The following GDAP1 variants were observed in gnomAD, a reference collection of about 807,000 sequenced individuals.
GDAP1 encodes the protein ganglioside induced differentiation associated protein 1.
Under a neutral mutation model 40.1 loss-of-function variants are expected in GDAP1, and 34 were observed. That is an observed-to-expected ratio of 0.85 (90% CI 0.64 to 1.13). The LOEUF is 1.13. Ranked by LOEUF, GDAP1 falls within the 50% of genes most tolerant of loss-of-function variation. GDAP1 has a pLI of 0.00. For synonymous variants in GDAP1, 170 were observed against 157.4 expected, an observed-to-expected ratio of 1.08 and a Z score of -0.60; for missense variants, 374 against 433.7, an observed-to-expected ratio of 0.86 and a Z score of 1.22.
At position 74,458,861 on chromosome 8, in the gene GDAP1, C is replaced by CTATGGTAG. The variant is rs1563474971; in HGVS notation, c.166-29817_166-29816insTATGGTAG. 7.2e-5 allele frequency among the ~76,000 whole-genome samples: 11 copies of CTATGGTAG among 152,192 alleles called. No homozygotes were observed. In the East Asian group the frequency reaches 1.9e-3, roughly 27 times the overall value. On this transcript the variant is annotated intron_variant, in intron 2 of 2. Transcript: ENST00000523640. Reference sequence around the variant, plus strand: ...AAGAGAGAAATTGAGGCACACACACCAGGTGGGGATTTGAGAGGCAGCCAC... The same window carrying CTATGGTAG: ...AAGAGAGAAATTGAGGCACACACACCTATGGTAGAGGTGGGGATTTGAGAGGCAGCCAC...
At chr8:74,378,041 C>T (rs142133428) in intron 2 of GDAP1, among the ~76,000 whole-genome samples, 378 of 152,300 alleles carry the variant, frequency 2.5e-3, no homozygotes, top group Non-Finnish European at 4.2e-3. Flanking sequence ...CTTAAACCCA[C>T]GGATGGCCAT....
At chr8:74,411,200 T>C (rs1383424771) in intron 2 of GDAP1, among the ~76,000 whole-genome samples, 1 of 150,146 alleles carries the variant, frequency 6.7e-6, no homozygotes, top group Admixed American at 6.6e-5. Flanking sequence ...ATTAAACCTC[T>C]TTCCTTTATA....
intron 2 of GDAP1, among the ~76,000 whole-genome samples, chr8:74,376,473 T>C (rs981244786): frequency 2.6e-5 from 4 of 151,526 alleles, no homozygotes. Flanking sequence ...CTCAGCCTCC[T>C]GAGTAGCTGG....
At chr8:74,485,052 T>G (rs1806759690) in intron 2 of GDAP1, among the ~76,000 whole-genome samples, 1 of 152,162 alleles carries the variant, frequency 6.6e-6, no homozygotes, top group Non-Finnish European at 1.5e-5. Context: ...AAATCACAAA[T>G]GGTGCTCTGT....
chr8:74,421,337 A>G (rs955365892), intron 2 of GDAP1, among the ~76,000 whole-genome samples: 7 of 151,176 alleles, frequency 4.6e-5, no homozygotes, highest in Admixed American at 2.6e-4. Context: ...TTTTTTCCCT[A>G]TAGGGTTTAT....
intron 2 of GDAP1, among the ~76,000 whole-genome samples, chr8:74,352,958 C>T (rs1425223831): frequency 6.6e-6 from 1 of 152,184 alleles, no homozygotes; most frequent in East Asian, 1.9e-4. Flanking sequence ...ACTGCTTCTA[C>T]TATCATCATT....
At position 74,446,514 on chromosome 8, in the gene GDAP1, A is replaced by T. The variant is rs74402704; in HGVS notation, c.166-42164A>T. Among the ~76,000 whole-genome samples the T allele has an allele frequency of 9.0e-4, 137 of 152,288 alleles. No homozygotes were observed. In the East Asian group the frequency reaches 0.025, roughly 28 times the overall value. ...AGGAAATTTCTCTAAAAAACAGTTT[A>T]TCTTGTAATACAAAGCCTCTGAAAT... is the stretch of plus-strand genomic sequence containing the variant. On this transcript the variant is annotated intron_variant, in intron 2 of 2. Transcript: ENST00000523640.
Position 74,365,840 on chromosome 8 carries a change from TAGC to T in GDAP1, c.*1477_*1479del, listed in dbSNP as rs936027093. The T allele has an allele frequency of 8.8e-6, 4 of 453,652 alleles. No homozygotes were observed. The highest frequency in any genetic ancestry group is 8.1e-5 in the African/African-American group (4 of 49,390). The allele number at this position is 453,652 out of a possible 1,614,324, so 28.1% of individuals were successfully genotyped here. ...TAAACTCAGTCAAACAATAATTGAG[TAGC>T]AGCTTTTATAACATTTAAAATTTGC... On this transcript the variant is annotated 3_prime_UTR_variant, in exon 6 of 6. Coordinates refer to ENST00000220822, the MANE Select transcript of GDAP1 (RefSeq NM_018972.4).
At chr8:74,380,223 A>G (rs1254197858) in intron 2 of GDAP1, among the ~76,000 whole-genome samples, 1 of 152,220 alleles carries the variant, frequency 6.6e-6, no homozygotes, top group African/African-American at 2.4e-5. Flanking sequence ...CCACAAGTAC[A>G]CTAGCAATTA....
chr8:74,401,786 G>C (rs1810346066), intron 2 of GDAP1, among the ~76,000 whole-genome samples: 1 of 150,090 alleles, frequency 6.7e-6, no homozygotes, highest in Non-Finnish European at 1.5e-5. Flanking sequence ...AGGACCCTGA[G>C]CTGCAGGTCT....
chr8:74,381,207 ATTTGAGT>A (rs1307662891), intron 2 of GDAP1, among the ~76,000 whole-genome samples: 1 of 152,124 alleles, frequency 6.6e-6, no homozygotes, highest in Non-Finnish European at 1.5e-5. Flanking sequence ...TGACCCAATA[ATTTGAGT>A]TTTAAGACTA....
chr8:74,391,201 T>C (rs896074596), intron 2 of GDAP1, among the ~76,000 whole-genome samples: 8 of 151,826 alleles, frequency 5.3e-5, no homozygotes, highest in African/African-American at 1.9e-4. Context: ...TCGGTCTCGC[T>C]GGCATTCCAG....
chr8:74,362,336 A>G (rs1809410275), intron 4 of GDAP1, among the ~76,000 whole-genome samples: 1 of 152,082 alleles, frequency 6.6e-6, no homozygotes, highest in Non-Finnish European at 1.5e-5. Flanking sequence ...TTGCCCCCTG[A>G]GGAGTGTGCT....
chr8:74,448,665 C>T (rs1194914792), intron 2 of GDAP1, among the ~76,000 whole-genome samples: 1 of 151,972 alleles, frequency 6.6e-6, no homozygotes, highest in Admixed American at 6.6e-5. Flanking sequence ...TTTACTTGGC[C>T]TTTCCCTGAT....
intron 2 of GDAP1, among the ~76,000 whole-genome samples, chr8:74,467,901 AT>A (rs1377097843): frequency 1.3e-5 from 2 of 151,830 alleles, no homozygotes; most frequent in South Asian, 2.1e-4. Context: ...TGAGAGTTTC[AT>A]TTTTTTATAT....
At chr8:74,436,604 G>A (rs1806091662) in intron 2 of GDAP1, among the ~76,000 whole-genome samples, 1 of 151,734 alleles carries the variant, frequency 6.6e-6, no homozygotes, top group African/African-American at 2.4e-5. Context: ...TGTATTTTTA[G>A]TAGAGATGGG....
intron 2 of GDAP1, among the ~76,000 whole-genome samples, chr8:74,432,554 T>C (rs1211773442): frequency 6.6e-6 from 1 of 152,184 alleles, no homozygotes; most frequent in Non-Finnish European, 1.5e-5. Flanking sequence ...CCTGTATCCC[T>C]ATCATCCCAT....
At chr8:74,475,444 A>C (rs1263657406) in intron 2 of GDAP1, among the ~76,000 whole-genome samples, 1 of 150,990 alleles carries the variant, frequency 6.6e-6, no homozygotes, top group Admixed American at 6.6e-5. Flanking sequence ...TCCTTTTAAC[A>C]CTTCCTTAGC....
At chr8:74,484,125 G>T (rs1806746645) in intron 2 of GDAP1, among the ~76,000 whole-genome samples, 1 of 152,090 alleles carries the variant, frequency 6.6e-6, no homozygotes, top group African/African-American at 2.4e-5. Flanking sequence ...ATTATTATTT[G>T]ATCTGGAAAT....
Sources: allele counts gnomAD v4.1 joint callset (sites outside exome capture counted in the v4.1 genomes callset), GRCh38; gene constraint gnomAD v4.1.1; transcripts MANE v1.5; gene names NCBI Gene and HGNC (gene_info 2026-07-23, HGNC 2026-07-21).